Variants in C1QTNF1 observed in about 807,000 individuals in gnomAD.
C1QTNF1 encodes C1q and TNF related 1.
In C1QTNF1, 22 loss-of-function variants were observed where a neutral mutation model predicts 27.8. The observed-to-expected ratio is 0.79, with a 90% CI of 0.56 to 1.13. The LOEUF (loss-of-function observed/expected upper bound fraction) is 1.13, where lower values mean the gene tolerates loss of function less well. Among genes scored for constraint, C1QTNF1 ranks in the 50% most tolerant of loss-of-function variants. The probability of loss-of-function intolerance (pLI) is 0.00; values close to 1 mark genes in which losing one functional copy is unlikely to be tolerated. For missense variants in C1QTNF1, 373 were observed against 380.2 expected, an observed-to-expected ratio of 0.98 and a Z score of 0.16; for synonymous variants, 166 against 154.3, an observed-to-expected ratio of 1.08 and a Z score of -0.56.
intron 2 of C1QTNF1, among the ~76,000 whole-genome samples, chr17:79,045,680 G>T (rs1297573135): frequency 6.6e-6 from 1 of 152,222 alleles, no homozygotes; most frequent in African/African-American, 2.4e-5. Context: ...AGCTCAGAAA[G>T]AGAAGATTCC....
At chr17:79,041,355 G>C (rs977172691) in intron 1 of C1QTNF1, among the ~76,000 whole-genome samples, 1 of 152,166 alleles carries the variant, frequency 6.6e-6, no homozygotes, top group African/African-American at 2.4e-5. Flanking sequence ...GAGAGGTTCG[G>C]GGGGGCCAGC....
At chr17:79,024,826 T>G (rs1411864199) in intron 1 of C1QTNF1, 6 of 152,292 alleles carry the variant, frequency 3.9e-5, no homozygotes, top group African/African-American at 1.2e-4. Flanking sequence ...TGTGGGGTGT[T>G]TATCTTGTTT....
chr17:79,029,301 G>A (rs970127743), intron 1 of C1QTNF1, among the ~76,000 whole-genome samples: 5 of 152,180 alleles, frequency 3.3e-5, no homozygotes, highest in African/African-American at 4.8e-5. Flanking sequence ...GCCACCCCTC[G>A]GGGTGAAGTG....
At chr17:79,032,978 G>T (rs1018236017) in intron 1 of C1QTNF1, among the ~76,000 whole-genome samples, 1 of 150,686 alleles carries the variant, frequency 6.6e-6, no homozygotes, top group Non-Finnish European at 1.5e-5. Flanking sequence ...TGAGGCAGGA[G>T]AATTGCTTGA....
chr17:79,043,225 T>A, intron 1 of C1QTNF1: 3 of 452,568 alleles, frequency 6.6e-6, no homozygotes, highest in South Asian at 4.7e-5. Flanking sequence ...TGTGTGTGAA[T>A]CTGTGTGCAT....
intron 1 of C1QTNF1, among the ~76,000 whole-genome samples, chr17:79,035,390 A>G (rs980023408): frequency 6.7e-6 from 1 of 149,792 alleles, no homozygotes; most frequent in Non-Finnish European, 1.5e-5. Flanking sequence ...GGGGCCGTTG[A>G]GGCTGTGTAG....
At chr17:79,037,524 A>G (rs1261057959) in intron 1 of C1QTNF1, among the ~76,000 whole-genome samples, 1 of 152,172 alleles carries the variant, frequency 6.6e-6, no homozygotes, top group East Asian at 1.9e-4. Context: ...TCGGCCTCCT[A>G]AAGTGCTGGG....
upstream of C1QTNF1, chr17:79,023,979 C>T (rs1034246711): frequency 7.2e-5 from 11 of 152,520 alleles, no homozygotes; most frequent in African/African-American, 2.4e-4. Context: ...AGCCCCTCCG[C>T]CTCTGGACGG....
chr17:79,042,858 C>T (rs1252403658), intron 1 of C1QTNF1, among the ~76,000 whole-genome samples: 11 of 152,092 alleles, frequency 7.2e-5, no homozygotes, highest in Admixed American at 5.2e-4. Context: ...TACATGTGAG[C>T]GCATGTGTGC....
At chr17:79,045,363 C>T (rs2072540471) in intron 2 of C1QTNF1, among the ~76,000 whole-genome samples, 1 of 152,032 alleles carries the variant, frequency 6.6e-6, no homozygotes, top group Non-Finnish European at 1.5e-5. Context: ...GAGGGTCTCA[C>T]CTGAACTCAA....
chr17:79,040,053 C>T (rs2072362682), intron 1 of C1QTNF1, among the ~76,000 whole-genome samples: 1 of 152,036 alleles, frequency 6.6e-6, no homozygotes, highest in Non-Finnish European at 1.5e-5. Flanking sequence ...TGCTGAGCAC[C>T]AGTGATTCAG....
intron 1 of C1QTNF1, among the ~76,000 whole-genome samples, chr17:79,031,723 C>A (rs369954713): frequency 6.6e-6 from 1 of 152,230 alleles, no homozygotes; most frequent in African/African-American, 2.4e-5. Flanking sequence ...GGATTACAGG[C>A]GTGAGCCACT....
chr17:79,039,123 C>T (rs1490853769), intron 1 of C1QTNF1, among the ~76,000 whole-genome samples: 1 of 150,762 alleles, frequency 6.6e-6, no homozygotes, highest in Non-Finnish European at 1.5e-5. Context: ...AATCCCTTTG[C>T]TAGACTAGAA....
At chr17:79,042,098 G>T (rs1397931706) in intron 1 of C1QTNF1, among the ~76,000 whole-genome samples, 1 of 152,202 alleles carries the variant, frequency 6.6e-6, no homozygotes, top group Non-Finnish European at 1.5e-5. Flanking sequence ...CTCACTGGGC[G>T]GCTGTGTGTT....
chr17:79,044,608 G>A lies in C1QTNF1; in HGVS notation c.155+485G>A, dbSNP rs150733653. ...CAGGAGAGGACAGCGGAGACTGGGT[G>A]GGCCAAGTGTCGGCTTCCCTTGAAA... is the stretch of plus-strand genomic sequence containing the variant. On this transcript the variant is annotated intron_variant, in intron 2 of 3. Transcript: ENST00000579760. 9.5e-3 allele frequency among the ~76,000 whole-genome samples: 1,440 copies of A among 152,280 alleles called. 22 individuals carry two copies. Among genetic ancestry groups the A allele is most frequent in the African/African-American group, 0.032 (1,322 of 41,552 alleles).
chr17:79,043,224 ATCT>A (rs201198251), intron 1 of C1QTNF1: 4 of 439,698 alleles, frequency 9.1e-6, no homozygotes, highest in African/African-American at 7.3e-5. Context: ...GTGTGTGTGA[ATCT>A]GTGTGCATGT....
At chr17:79,041,483 A>T (rs968319059) in intron 1 of C1QTNF1, among the ~76,000 whole-genome samples, 1 of 152,154 alleles carries the variant, frequency 6.6e-6, no homozygotes, top group Non-Finnish European at 1.5e-5. Flanking sequence ...GACTTCACTC[A>T]AGAGCCCACT....
intron 1 of C1QTNF1, chr17:79,027,649 G>C (rs1378401085): frequency 2.0e-5 from 3 of 152,340 alleles, no homozygotes; most frequent in African/African-American, 7.2e-5. Context: ...GCAGCCTCTA[G>C]TTCTCTGGGA....
At chr17:79,031,942 A>G (rs2072149570) in intron 1 of C1QTNF1, among the ~76,000 whole-genome samples, 1 of 152,220 alleles carries the variant, frequency 6.6e-6, no homozygotes, top group African/African-American at 2.4e-5. Context: ...CTGTGTCCCC[A>G]GCTGGAATTA....
Sources: allele counts gnomAD v4.1 joint callset (sites outside exome capture counted in the v4.1 genomes callset), GRCh38; gene constraint gnomAD v4.1.1; transcripts MANE v1.5; gene names NCBI Gene and HGNC (gene_info 2026-07-23, HGNC 2026-07-21).